Variants in ACVR1 observed in about 807,000 individuals in gnomAD.
The protein encoded by ACVR1 is activin A receptor type 1.
A neutral mutation model predicts 57.1 loss-of-function variants in ACVR1; 38 were observed. The observed-to-expected ratio is 0.67, with a 90% CI of 0.51 to 0.87. The LOEUF (loss-of-function observed/expected upper bound fraction) is 0.87, where lower values mean the gene tolerates loss of function less well. Ranked by LOEUF, ACVR1 falls within the 40% of genes least tolerant of loss-of-function variation. The pLI, the probability that ACVR1 is intolerant of heterozygous loss-of-function variation, is 0.00. For synonymous variants in ACVR1, 212 were observed against 228.1 expected, an observed-to-expected ratio of 0.93 and a Z score of 0.63; for missense variants, 463 against 638.2, an observed-to-expected ratio of 0.73 and a Z score of 2.96.
At chr2:157,807,607 T>C (rs920225431) in intron 2 of ACVR1, among the ~76,000 whole-genome samples, 1 of 151,892 alleles carries the variant, frequency 6.6e-6, no homozygotes, top group Non-Finnish European at 1.5e-5. Context: ...CCATTATCCC[T>C]TCCCATAAAG....
intron 8 of ACVR1, among the ~76,000 whole-genome samples, chr2:157,763,558 A>C (rs1685745518): frequency 1.3e-5 from 2 of 152,138 alleles, no homozygotes; most frequent in African/African-American, 4.8e-5. Context: ...ATTTCTACTA[A>C]GAACAAAAAA....
rs1278101784 is a variant in ACVR1, at chr2:157,737,304, G to A, written c.*227C>T. 1.7e-6 allele frequency: 1 copy of A among 605,022 alleles called. No individual in the cohort carries two copies. Among genetic ancestry groups the A allele is most frequent in the Non-Finnish European group, 3.0e-6 (1 of 335,784 alleles). 37.5% of individuals were successfully genotyped at this position (605,022 alleles called of 1,614,324 possible). On this transcript the variant is annotated 3_prime_UTR_variant, in exon 11 of 11. Coordinates refer to ENST00000434821, the MANE Select transcript of ACVR1 (RefSeq NM_001111067.4). Reference sequence around the variant, plus strand: ...CAGTGTCTGTCCAACATTAGTCTCTGCAGTGTGAACAGTTCGTGAAATGCC... The same window carrying A: ...CAGTGTCTGTCCAACATTAGTCTCTACAGTGTGAACAGTTCGTGAAATGCC...
intron 6 of ACVR1, among the ~76,000 whole-genome samples, chr2:157,772,007 T>C (rs757692004): frequency 1.6e-4 from 25 of 152,238 alleles, no homozygotes; most frequent in Non-Finnish European, 2.9e-4. Context: ...CCCTTTGTCC[T>C]CATTTTGTCA....
intron 2 of ACVR1, among the ~76,000 whole-genome samples, chr2:157,805,486 C>T (rs1687485638): frequency 6.6e-6 from 1 of 152,182 alleles, no homozygotes; most frequent in Non-Finnish European, 1.5e-5. Context: ...ACTATGATTC[C>T]ATCACAGTTT....
At chr2:157,865,138 G>A (rs1296556333) in intron 1 of ACVR1, among the ~76,000 whole-genome samples, 2 of 149,940 alleles carry the variant, frequency 1.3e-5, no homozygotes, top group Non-Finnish European at 1.5e-5. Context: ...TCCATTTACT[G>A]GAAGGACCAA....
intron 9 of ACVR1, among the ~76,000 whole-genome samples, chr2:157,750,343 A>G (rs1685135760): frequency 6.6e-6 from 1 of 152,234 alleles, no homozygotes; most frequent in Admixed American, 6.5e-5. Context: ...GTGCTCACAT[A>G]TGCCATCCAG....
At chr2:157,762,229 G>A (rs1217880630) in intron 8 of ACVR1, among the ~76,000 whole-genome samples, 1 of 152,168 alleles carries the variant, frequency 6.6e-6, no homozygotes, top group Admixed American at 6.5e-5. Context: ...AAATAGGTAA[G>A]TACAGTACAA....
intron 1 of ACVR1, among the ~76,000 whole-genome samples, chr2:157,847,854 G>A (rs1288023853): frequency 2.0e-5 from 3 of 152,174 alleles, no homozygotes; most frequent in South Asian, 2.1e-4. Flanking sequence ...GAGACAGAGA[G>A]CAGCTGACAG....
rs887312528 is a variant in ACVR1 at position 157,778,419 on chromosome 2, C to A, written c.332-77G>T. 56 of 1,206,414 alleles carry A rather than the reference C, an allele frequency of 4.6e-5. No individual in the cohort carries two copies. The African/African-American group carries it at 7.4e-4, about 16-fold the overall frequency. The allele number at this position is 1,206,414 out of a possible 1,614,324, so 74.7% of individuals were successfully genotyped here. A position where few individuals can be genotyped will look rare whatever the true frequency, so the allele number is the denominator to read the frequency against. On this transcript the variant is annotated intron_variant, in intron 4 of 10. Coordinates refer to ENST00000434821, the MANE Select transcript of ACVR1 (RefSeq NM_001111067.4). ...ATTATTAGCATAACCAATATCCTAACAAGTAGCTCCTGATCCTGACCACAC... is the reference window on the plus strand; with the variant it reads ...ATTATTAGCATAACCAATATCCTAAAAAGTAGCTCCTGATCCTGACCACAC...
At chr2:157,743,872 TGAATTAGCCAAAGGTAAGG>T (rs1303189349) in intron 9 of ACVR1, among the ~76,000 whole-genome samples, 1 of 152,158 alleles carries the variant, frequency 6.6e-6, no homozygotes, top group African/African-American at 2.4e-5. Context: ...GGCTATGCTT[TGAATTAGCCAAAGGTAAGG>T]GAAAGAGGAA....
chr2:157,752,909 C>A (rs1420673217), intron 9 of ACVR1, among the ~76,000 whole-genome samples: 2 of 151,974 alleles, frequency 1.3e-5, no homozygotes, highest in Non-Finnish European at 2.9e-5. Context: ...TTGAAAAAAC[C>A]AAGGTATTCA....
Position 157,761,037 on chromosome 2 carries a change from A to T in ACVR1, c.1107T>A (p.Asp369Glu). The T allele has an allele frequency of 6.2e-7, 1 of 1,614,120 alleles. No homozygotes were observed. The highest frequency in any genetic ancestry group is 2.2e-5 in the East Asian group (1 of 44,866). The change falls in exon 9 of 11, where the codon GAT becomes GAA. Residue 369 changes from aspartate to glutamate, a missense_variant. This residue lies in a region of ACVR1 where 146 missense variants were observed against 186.6 expected (regional missense o/e 0.78). Transcript: ENST00000434821. Reference protein sequence around the residue: ...VMHSQSTNQLDVGNNPRVGTK... With the variant: ...VMHSQSTNQLEVGNNPRVGTK... The stretch of plus-strand genomic sequence containing the variant: ...TGCCCACACGGGGATTGTTCCCCAC[A>T]TCAAGCTGATTGGTGCTCTGGGAAT...
intron 1 of ACVR1, among the ~76,000 whole-genome samples, chr2:157,864,388 A>T (rs1434694652): frequency 6.6e-6 from 1 of 151,656 alleles, no homozygotes; most frequent in Non-Finnish European, 1.5e-5. Context: ...TTTTTAAAAA[A>T]ATTTTTGTAG....
At chr2:157,738,774 T>C (rs973337942) in intron 9 of ACVR1, among the ~76,000 whole-genome samples, 1 of 152,214 alleles carries the variant, frequency 6.6e-6, no homozygotes, top group Non-Finnish European at 1.5e-5. Flanking sequence ...TGCATGGTAT[T>C]GGAAGAAGGA....
intron 1 of ACVR1, among the ~76,000 whole-genome samples, chr2:157,866,527 A>AT (rs1689944599): frequency 6.6e-6 from 1 of 152,142 alleles, no homozygotes; most frequent in Non-Finnish European, 1.5e-5. Flanking sequence ...AGCAGAGAGC[A>AT]TTTTCCTCTG....
chr2:157,774,207 G>A lies in ACVR1; in HGVS notation c.544-20C>T, dbSNP rs2105271799. On this transcript the variant is annotated intron_variant, in intron 5 of 10. Transcript: ENST00000434821. The stretch of plus-strand genomic sequence containing the variant: ...TAAATCCTGTGGTTTAAGACAAGGG[G>A]GAAAAGAAACGATTGAGCAATATAG... The A allele has an allele frequency of 1.2e-6, 2 of 1,602,730 alleles. No homozygotes were observed. The highest frequency in any genetic ancestry group is 1.7e-6 in the Non-Finnish European group (2 of 1,169,806).
chr2:157,766,590 A>ATTC (rs1685869550), intron 7 of ACVR1, among the ~76,000 whole-genome samples: 1 of 152,198 alleles, frequency 6.6e-6, no homozygotes, highest in African/African-American at 2.4e-5. Context: ...TGAGTACTGT[A>ATTC]TTCTAGTCCT....
At chr2:157,850,083 T>C (rs1192100313) in intron 1 of ACVR1, among the ~76,000 whole-genome samples, 1 of 152,158 alleles carries the variant, frequency 6.6e-6, no homozygotes, top group Non-Finnish European at 1.5e-5. Context: ...AATCACTAGA[T>C]GCTTCAGAAA....
At chr2:157,857,518 AG>A (rs1461297755) in intron 1 of ACVR1, among the ~76,000 whole-genome samples, 2 of 152,210 alleles carry the variant, frequency 1.3e-5, no homozygotes, top group African/African-American at 4.8e-5. Context: ...CATCATCAGC[AG>A]GTCCTCCTTA....
Sources: allele counts gnomAD v4.1 joint callset (sites outside exome capture counted in the v4.1 genomes callset), GRCh38; gene constraint gnomAD v4.1.1; regional missense constraint gnomAD v4.1.1; transcripts MANE v1.5; gene names NCBI Gene and HGNC (gene_info 2026-07-23, HGNC 2026-07-21).